Variants in TTLL5 observed in about 807,000 individuals in gnomAD.
The protein encoded by TTLL5 is tubulin tyrosine ligase like 5, also known as tubulin polyglutamylase TTLL5.
TTLL5 carries 132 observed loss-of-function variants against 168.4 expected under a neutral mutation model. The ratio of observed to expected loss-of-function variants is 0.78; its 90% CI spans 0.68 to 0.91. The LOEUF (loss-of-function observed/expected upper bound fraction) is 0.91, where lower values mean the gene tolerates loss of function less well. Among genes scored for constraint, TTLL5 ranks in the 40% least tolerant of loss-of-function variants. The probability of loss-of-function intolerance (pLI) is 0.00; values close to 1 mark genes in which losing one functional copy is unlikely to be tolerated. For synonymous variants in TTLL5, 546 were observed against 558.6 expected (o/e 0.98, Z 0.32); for missense variants, 1,545 against 1,581.5 (o/e 0.98, Z 0.39).
chr14:75,766,105 G>C lies in TTLL5; in HGVS notation c.1752G>C (p.Glu584Asp), dbSNP rs769866960. Reference sequence around the variant, plus strand: ...AAATGAATGTTAAAACTGAGACAGAGAGTGAAGAGGAGGAAGAAGTCGCAT... The same window carrying C: ...AAATGAATGTTAAAACTGAGACAGACAGTGAAGAGGAGGAAGAAGTCGCAT... ...PAEMNVKTET[E>D]SEEEEEVALD... The change falls in exon 20 of 32, where the codon GAG becomes GAC. Residue 584 changes from glutamate (E) to aspartate (D), a missense_variant. Glu to Asp is a conservative substitution (Grantham distance 45). Coordinates refer to ENST00000298832, the MANE Select transcript of TTLL5 (RefSeq NM_015072.5). 7 of 1,613,788 alleles carry C rather than the reference G, an allele frequency of 4.3e-6. No homozygotes were observed. Among genetic ancestry groups the C allele is most frequent in the Non-Finnish European group, 3.4e-6 (4 of 1,179,954 alleles).
chr14:75,837,414 T>C (rs1895929177), intron 28 of TTLL5: 1 of 152,222 alleles, frequency 6.6e-6, no homozygotes, highest in African/African-American at 2.4e-5. Flanking sequence ...AAATTATTAT[T>C]TTAAAAATTG....
chr14:75,874,933 C>CTTTTTTTTTTTTTTTTTTTTTT lies in TTLL5; in HGVS notation c.3523-7734_3523-7733insTTTTTTTTTTTTTTTTTTTTTT, dbSNP rs1555353208. ...AGAGAAAAAAAAAGACACTGGGGGC[C>CTTTTTTTTTTTTTTTTTTTTTT]TTTTTTTTTTTTTTTTTTGAGACGG... On this transcript the variant is annotated intron_variant, in intron 29 of 31. Coordinates refer to ENST00000298832, the MANE Select transcript of TTLL5 (RefSeq NM_015072.5). Among the ~76,000 whole-genome samples the CTTTTTTTTTTTTTTTTTTTTTT allele has an allele frequency of 2.5e-3, 240 of 97,494 alleles. 19 individuals carry two copies. Among genetic ancestry groups the CTTTTTTTTTTTTTTTTTTTTTT allele is most frequent in the East Asian group, 0.014 (33 of 2,426 alleles). The allele number at this position is 97,494 out of a possible 152,430, so 64.0% of individuals were successfully genotyped here.
chr14:75,727,768 A>C (rs1000434258), intron 12 of TTLL5: 2 of 467,738 alleles, frequency 4.3e-6, no homozygotes, highest in African/African-American at 3.9e-5. Context: ...TCAAAAGAGT[A>C]TATACCATAT....
At chr14:75,872,553 A>G (rs1336453759) in intron 29 of TTLL5, among the ~76,000 whole-genome samples, 2 of 152,066 alleles carry the variant, frequency 1.3e-5, no homozygotes, top group Admixed American at 6.6e-5. Flanking sequence ...CACAGGTCAT[A>G]TGGTTGGGAG....
intron 21 of TTLL5, among the ~76,000 whole-genome samples, chr14:75,773,963 G>GAAAGAGAGAA (rs35635750): frequency 7.2e-5 from 5 of 69,508 alleles, no homozygotes; most frequent in African/African-American, 2.4e-4. Context: ...GAGAAAGAGA[G>GAAAGAGAGAA]AGAGAGAGAG....
In TTLL5 at chr14:75,932,739, G is replaced by A. The variant is rs189254156; in HGVS notation, c.3824-21685G>A. ...TTTTGTCACTGTGAAATGGAAATAC[G>A]TTCATTTAGAAATATTTTTAATGCC... On this transcript the variant is annotated intron_variant, in intron 31 of 31. Coordinates refer to ENST00000298832, the MANE Select transcript of TTLL5 (RefSeq NM_015072.5). Among the ~76,000 whole-genome samples, 1,320 of 152,184 alleles carry A rather than the reference G, an allele frequency of 8.7e-3. 76 individuals are homozygous for A. The highest frequency in any genetic ancestry group is 0.078 in the Admixed American group (1,192 of 15,280).
chr14:75,665,648 C>G (rs1257009436), intron 2 of TTLL5, among the ~76,000 whole-genome samples: 1 of 152,162 alleles, frequency 6.6e-6, no homozygotes, highest in Non-Finnish European at 1.5e-5. Flanking sequence ...CACTTGCAGT[C>G]AGGAGTTTGA....
chr14:75,873,159 C>T (rs1170929266), intron 29 of TTLL5, among the ~76,000 whole-genome samples: 2 of 151,200 alleles, frequency 1.3e-5, no homozygotes, highest in South Asian at 2.1e-4. Context: ...TTGCAAGCTC[C>T]GCCTCCCGGG....
At chr14:75,879,049 T>A (rs1187930826) in intron 29 of TTLL5, among the ~76,000 whole-genome samples, 1 of 152,214 alleles carries the variant, frequency 6.6e-6, no homozygotes, top group Non-Finnish European at 1.5e-5. Context: ...ATTTTTTCCA[T>A]TTATTAAGCA....
chr14:75,686,533 G>A (rs1489202713), intron 5 of TTLL5, among the ~76,000 whole-genome samples: 2 of 152,168 alleles, frequency 1.3e-5, no homozygotes, highest in African/African-American at 4.8e-5. Context: ...TATTGCTATG[G>A]CAATACATTT....
At chr14:75,907,475 C>T (rs991640765) in intron 31 of TTLL5, among the ~76,000 whole-genome samples, 3 of 152,218 alleles carry the variant, frequency 2.0e-5, no homozygotes, top group African/African-American at 7.2e-5. Flanking sequence ...GAGGCTAATA[C>T]TCTTCTTACC....
chr14:75,800,039 C>T (rs1421882661), intron 27 of TTLL5, among the ~76,000 whole-genome samples: 5 of 152,184 alleles, frequency 3.3e-5, no homozygotes, highest in Non-Finnish European at 5.9e-5. Flanking sequence ...AAGTTCTCCT[C>T]GATTATTCCC....
intron 3 of TTLL5, among the ~76,000 whole-genome samples, chr14:75,671,388 A>G (rs999037404): frequency 6.6e-6 from 1 of 152,192 alleles, no homozygotes; most frequent in Non-Finnish European, 1.5e-5. Context: ...GGTCCCTTGC[A>G]ATTCCATATG....
At chr14:75,769,240 A>C (rs1891138514) in intron 20 of TTLL5, among the ~76,000 whole-genome samples, 1 of 152,114 alleles carries the variant, frequency 6.6e-6, no homozygotes, top group African/African-American at 2.4e-5. Context: ...GTGTTCCCTA[A>C]AGCTGCTCAT....
Position 75,775,523 on chromosome 14 carries a change from C to T in TTLL5, c.2176C>T (p.Leu726Phe), listed in dbSNP as rs1224068762. 9 of 1,614,000 alleles carry T rather than the reference C, an allele frequency of 5.6e-6. No individual in the cohort carries two copies. Among genetic ancestry groups the T allele is most frequent in the East Asian group, 2.2e-5 (1 of 44,872 alleles). Residue 726 changes from leucine (L) to phenylalanine (F), a missense_variant, in exon 22 of 32, where the codon CTC (leucine) becomes TTC (phenylalanine). Coordinates refer to ENST00000298832, the MANE Select transcript of TTLL5 (RefSeq NM_015072.5). ...VRFLKRASNN[L>F]QHSLRMVLPS... ...TTTCCTCAAGCGAGCATCAAATAACCTCCAGCATTCACTGAGGATGGTATT... is the reference window on the plus strand; with the variant it reads ...TTTCCTCAAGCGAGCATCAAATAACTTCCAGCATTCACTGAGGATGGTATT...
intron 2 of TTLL5, among the ~76,000 whole-genome samples, chr14:75,669,011 C>G (rs1344383786): frequency 6.6e-6 from 1 of 152,306 alleles, no homozygotes; most frequent in East Asian, 1.9e-4. Context: ...TGTTGCCCTT[C>G]CAGACTTCTC....
At chr14:75,892,481 A>G (rs753418660) in intron 30 of TTLL5, among the ~76,000 whole-genome samples, 2 of 152,212 alleles carry the variant, frequency 1.3e-5, no homozygotes, top group Non-Finnish European at 2.9e-5. Context: ...TTGATTTTCA[A>G]CCTGGGACAG....
chr14:75,782,676 C>A, intron 25 of TTLL5, 103 bp downstream of exon 25: 2 of 912,892 alleles, frequency 2.2e-6, no homozygotes, highest in Non-Finnish European at 3.2e-6. Flanking sequence ...TGGAACATTA[C>A]CCCAAAGAAA....
intron 30 of TTLL5, among the ~76,000 whole-genome samples, chr14:75,899,908 A>G (rs149267484): frequency 1.3e-5 from 2 of 150,552 alleles, no homozygotes; most frequent in African/African-American, 4.9e-5. Flanking sequence ...AGTTTCTACT[A>G]CTGACCCAAA....
Sources: allele counts gnomAD v4.1 joint callset (sites outside exome capture counted in the v4.1 genomes callset), GRCh38; gene constraint gnomAD v4.1.1; transcripts MANE v1.5; gene names NCBI Gene and HGNC (gene_info 2026-07-23, HGNC 2026-07-21).